Variants in STON1 observed in about 807,000 individuals in gnomAD.
STON1 encodes stonin-1.
A neutral mutation model predicts 60.9 loss-of-function variants in STON1; 79 were observed. That is an observed-to-expected ratio of 1.30 (90% CI 1.08 to 1.56). The LOEUF (loss-of-function observed/expected upper bound fraction) is 1.56, where lower values mean the gene tolerates loss of function less well. STON1 is among the 40% of genes most tolerant of loss of function. The pLI, the probability that STON1 is intolerant of heterozygous loss-of-function variation, is 0.00. For missense variants in STON1, 1,166 were observed against 858.9 expected, an observed-to-expected ratio of 1.36 and a Z score of -4.47; for synonymous variants, 363 against 306.9, an observed-to-expected ratio of 1.18 and a Z score of -1.91.
At chr2:48,561,395 A>G (rs1234716899) in intron 1 of STON1, among the ~76,000 whole-genome samples, 1 of 152,198 alleles carries the variant, frequency 6.6e-6, no homozygotes, top group African/African-American at 2.4e-5. Context: ...TCAGTATACT[A>G]TAGGGCAAAG....
intron 1 of STON1, among the ~76,000 whole-genome samples, chr2:48,535,598 A>G (rs1671392866): frequency 6.6e-6 from 1 of 152,314 alleles, no homozygotes; most frequent in Middle Eastern, 3.4e-3. Flanking sequence ...TAATCTCAGC[A>G]CTTTGGGAGG....
intron 2 of STON1, among the ~76,000 whole-genome samples, chr2:48,589,541 G>T (rs532799239): frequency 6.6e-6 from 1 of 152,330 alleles, no homozygotes; most frequent in African/African-American, 2.4e-5. Flanking sequence ...AAACATTGTA[G>T]AGCATTTAGC....
At position 48,595,536 on chromosome 2, in the gene STON1, TTTTGC is replaced by T. The variant is rs1674751145; in HGVS notation, c.*237_*241del. 6.5e-6 allele frequency: 3 copies of T among 459,968 alleles called. No individual in the cohort carries two copies. The highest frequency in any genetic ancestry group is 4.0e-5 in the African/African-American group (2 of 49,446). The allele number at this position is 459,968 out of a possible 1,614,324, so 28.5% of individuals were successfully genotyped here. On this transcript the variant is annotated 3_prime_UTR_variant, in exon 4 of 4. Coordinates refer to ENST00000404752, the MANE Select transcript of STON1 (RefSeq NM_006873.4). ...AAATGTTTCTATAATTCGTGTGATG[TTTTGC>T]TTCCTATTGAAACTCAAAGGCACTG...
intron 1 of STON1, among the ~76,000 whole-genome samples, chr2:48,564,415 T>A (rs1266316993): frequency 6.4e-5 from 2 of 31,064 alleles, no homozygotes; most frequent in African/African-American, 1.2e-4. Flanking sequence ...GTCTTCTTCT[T>A]CTTCTTCTTC....
At chr2:48,549,377 G>A (rs1376058442) in intron 1 of STON1, among the ~76,000 whole-genome samples, 1 of 152,184 alleles carries the variant, frequency 6.6e-6, no homozygotes, top group Non-Finnish European at 1.5e-5. Flanking sequence ...GGTGGGTAGA[G>A]GAGGTTGCTG....
intron 1 of STON1, among the ~76,000 whole-genome samples, chr2:48,571,114 C>T (rs2103870657): frequency 6.6e-6 from 1 of 152,288 alleles, no homozygotes; most frequent in Non-Finnish European, 1.5e-5. Flanking sequence ...CCTTGGCCTT[C>T]CAAAGTGCTG....
intron 1 of STON1, among the ~76,000 whole-genome samples, chr2:48,545,099 G>A (rs905552078): frequency 4.6e-5 from 7 of 152,092 alleles, no homozygotes; most frequent in African/African-American, 1.7e-4. Context: ...GTGGTCAGGT[G>A]CTCCTGATTT....
intron 1 of STON1, among the ~76,000 whole-genome samples, chr2:48,551,853 C>T (rs1393313673): frequency 6.6e-6 from 1 of 152,200 alleles, no homozygotes; most frequent in Non-Finnish European, 1.5e-5. Flanking sequence ...TGGAGTTGCT[C>T]CCAGCCTAGA....
At position 48,582,439 on chromosome 2, in the gene STON1, T is replaced by A; in HGVS notation, c.1806T>A (p.Cys602Ter). ...SLKAKMNRRA[C>*]LGSLQELESE... is the part of the protein sequence containing the mutation. ...AAGCTAAAATGAACCGCCGAGCATG[T>A]CTGGGGAGTTTACAGGAACTTGAAT... Residue 602 changes from cysteine to a stop codon, truncating the protein, a stop_gained, in exon 2 of 4, where the codon TGT (cysteine) becomes TGA (stop). Coordinates refer to ENST00000404752, the MANE Select transcript of STON1 (RefSeq NM_006873.4). LOFTEE classifies it high-confidence loss of function. 6.2e-7 allele frequency: 1 copy of A among 1,614,196 alleles called. No individual in the cohort carries two copies. Among genetic ancestry groups the A allele is most frequent in the East Asian group, 2.2e-5 (1 of 44,878 alleles).
Position 48,581,528 on chromosome 2 carries a change from C to G in STON1, c.895C>G (p.Leu299Val), listed in dbSNP as rs1258838010. 1.2e-6 allele frequency: 2 copies of G among 1,614,212 alleles called. No individual in the cohort carries two copies. Among genetic ancestry groups the G allele is most frequent in the East Asian group, 2.2e-5 (1 of 44,890 alleles). Residue 299 changes from leucine (L) to valine (V), a missense_variant, in exon 2 of 4, where the codon CTG becomes GTG. Physicochemically the swap from Leu to Val is conservative, Grantham distance 32. Coordinates refer to ENST00000404752, the MANE Select transcript of STON1 (RefSeq NM_006873.4). ...TTCCCGGCAATGGGGACCAATTTTTCTGAAAGTTTTGCCTGGAGGAATTTT... is the reference window on the plus strand; with the variant it reads ...TTCCCGGCAATGGGGACCAATTTTTGTGAAAGTTTTGCCTGGAGGAATTTT... ...MSSRQWGPIF[L>V]KVLPGGILQM...
At chr2:48,576,430 T>C (rs1031948367) in intron 1 of STON1, among the ~76,000 whole-genome samples, 1 of 151,566 alleles carries the variant, frequency 6.6e-6, no homozygotes, top group African/African-American at 2.4e-5. Context: ...CCTCAAGTGA[T>C]CCTCCCGCCT....
At chr2:48,583,710 T>C (rs972809344) in intron 2 of STON1, among the ~76,000 whole-genome samples, 1 of 151,410 alleles carries the variant, frequency 6.6e-6, no homozygotes, top group South Asian at 2.1e-4. Context: ...GATGCATTCA[T>C]GCATCCATCG....
At chr2:48,578,581 C>CTTTTTTTTTTTTTTTTTTTTTTTTTTT (rs59933765) in intron 1 of STON1, among the ~76,000 whole-genome samples, 4 of 46,168 alleles carry the variant, frequency 8.7e-5, no homozygotes, top group Non-Finnish European at 1.1e-4. Flanking sequence ...CTCCTCCTTC[C>CTTTTTTTTTTTTTTTTTTTTTTTTTTT]TTTTTTTTTT....
chr2:48,537,203 T>C (rs1671464899), intron 1 of STON1, among the ~76,000 whole-genome samples: 2 of 152,248 alleles, frequency 1.3e-5, no homozygotes, highest in Admixed American at 6.5e-5. Context: ...TCTTTAACTT[T>C]AACTGCTCTT....
chr2:48,582,481 A>G lies in STON1; in HGVS notation c.1848A>G (p.Gln616=). Residue 616 remains glutamine, a synonymous_variant, in exon 2 of 4, where the codon CAA becomes CAG. Coordinates refer to ENST00000404752, the MANE Select transcript of STON1 (RefSeq NM_006873.4). ...LQELESEPVI[Q]VTVGSAKYES... ...AACTTGAATCTGAACCTGTCATTCA[A>G]GTCACTGTGGGGTCAGCAAAATATG... 6.2e-7 allele frequency: 1 copy of G among 1,614,202 alleles called. No homozygotes were observed. Among genetic ancestry groups the G allele is most frequent in the Non-Finnish European group, 8.5e-7 (1 of 1,179,998 alleles).
chr2:48,530,361 C>T (rs1671155707), intron 1 of STON1, 145 bp downstream of exon 1: 1 of 256,252 alleles, frequency 3.9e-6, no homozygotes, highest in Non-Finnish European at 7.5e-6. Context: ...CCCATCTCCC[C>T]GCGCCCGCCC....
At chr2:48,541,196 CA>C (rs1429996008) in intron 1 of STON1, among the ~76,000 whole-genome samples, 5 of 149,098 alleles carry the variant, frequency 3.4e-5, no homozygotes, top group African/African-American at 1.2e-4. Context: ...ACTAAAAATA[CA>C]AAAATTAGCT....
At chr2:48,567,689 C>T (rs1673005555) in intron 1 of STON1, among the ~76,000 whole-genome samples, 1 of 152,212 alleles carries the variant, frequency 6.6e-6, no homozygotes, top group African/African-American at 2.4e-5. Flanking sequence ...AGGCGTGAGC[C>T]ACTGCACCTG....
chr2:48,551,519 C>G (rs1452135884), intron 1 of STON1, among the ~76,000 whole-genome samples: 1 of 152,232 alleles, frequency 6.6e-6, no homozygotes, highest in Non-Finnish European at 1.5e-5. Context: ...ATGGTAAAGT[C>G]TCTGCCAGCT....
Sources: gnomAD v4.1 joint callset for allele counts (sites outside exome capture counted in the v4.1 genomes callset) on GRCh38, gnomAD v4.1.1 for gene constraint, MANE v1.5 for transcripts, NCBI Gene and HGNC (gene_info 2026-07-23, HGNC 2026-07-21) for gene names.